The following MFSD2B variants were observed in gnomAD, a reference collection of about 807,000 sequenced individuals.
MFSD2B encodes the protein sphingosine-1-phosphate transporter MFSD2B.
MFSD2B carries 56 observed loss-of-function variants against 58.4 expected under a neutral mutation model. The ratio of observed to expected loss-of-function variants is 0.96; its 90% CI spans 0.77 to 1.20. The LOEUF is 1.20. Ranked by LOEUF, MFSD2B falls within the 50% of genes most tolerant of loss-of-function variation. The pLI, the probability that MFSD2B is intolerant of heterozygous loss-of-function variation, is 0.00. For missense variants in MFSD2B, 645 were observed against 667.6 expected (o/e 0.97, Z 0.37); for synonymous variants, 287 against 294.4 (o/e 0.97, Z 0.26).
rs1439906013 is a variant in MFSD2B at position 24,020,359 on chromosome 2, T to C, written c.682-1289T>C. 2.0e-5 allele frequency among the ~76,000 whole-genome samples: 3 copies of C among 152,094 alleles called. No individual in the cohort carries two copies. The highest frequency in any genetic ancestry group is 4.4e-5 in the Non-Finnish European group (3 of 67,998). On this transcript the variant is annotated intron_variant, in intron 6 of 13. Coordinates refer to ENST00000338315, the MANE Select transcript of MFSD2B (RefSeq NM_001346880.2). The surrounding 1 kb of genome is among the most constrained non-coding windows in gnomAD (Gnocchi z 4.1). ...ATCTCAAGACAGCAACAGCAGAGCATTGAACCCCAGAGGCAGTGCCCTCCA... is the reference window on the plus strand; with the variant it reads ...ATCTCAAGACAGCAACAGCAGAGCACTGAACCCCAGAGGCAGTGCCCTCCA...
chr2:24,010,132 C>G lies in MFSD2B; in HGVS notation c.36C>G (p.Ser12=). ...CCCCTGCACCAGCCGCCAAGGGGTC[C>G]CCGCAGCCGGAGCCGCACGCCCCAG... ...AAPPAPAAKG[S]PQPEPHAPEP... is the part of the protein sequence containing the mutation. Residue 12 remains serine, a synonymous_variant, in exon 1 of 14, where the codon TCC becomes TCG. Transcript: ENST00000338315. 2 of 1,462,848 alleles carry G rather than the reference C, an allele frequency of 1.4e-6. No homozygotes were observed. The highest frequency in any genetic ancestry group is 1.8e-6 in the Non-Finnish European group (2 of 1,114,036). 90.6% of individuals were successfully genotyped at this position (1,462,848 alleles called of 1,614,324 possible). A position where few individuals can be genotyped will look rare whatever the true frequency, so the allele number is the denominator to read the frequency against.
rs926307106 is a variant in MFSD2B, at chr2:24,023,401, CG to C, written c.1169+168del. 30 of 860,754 alleles carry C rather than the reference CG, an allele frequency of 3.5e-5. No individual in the cohort carries two copies. The highest frequency in any genetic ancestry group is 5.2e-5 in the Non-Finnish European group (29 of 555,902). The allele number at this position is 860,754 out of a possible 1,614,324, so 53.3% of individuals were successfully genotyped here. On this transcript the variant is annotated intron_variant, in intron 11 of 13. Coordinates refer to ENST00000338315, the MANE Select transcript of MFSD2B (RefSeq NM_001346880.2). The surrounding 1 kb of genome is among the most constrained non-coding windows in gnomAD (Gnocchi z 5.0). ...AGAGGACATCAGGCAGTAGGAATGG[CG>C]GGGGGCCGGCAGGGGGCTGGCGGGG...
At chr2:24,014,118 TCTC>T (rs1709057494) in intron 2 of MFSD2B, among the ~76,000 whole-genome samples, 1 of 152,092 alleles carries the variant, frequency 6.6e-6, no homozygotes, top group African/African-American at 2.4e-5. Context: ...GTTTAGCAAT[TCTC>T]CTGCCTCAGC....
chr2:24,023,694 A>T lies in MFSD2B; in HGVS notation c.1281A>T (p.Ala427=), dbSNP rs747002101. 2.7e-5 allele frequency: 44 copies of T among 1,613,742 alleles called. No individual in the cohort carries two copies. The East Asian group carries it at 9.8e-4, about 36-fold the overall frequency. Residue 427 remains alanine, a synonymous_variant, in exon 12 of 14, where the codon GCA becomes GCT. Coordinates refer to ENST00000338315, the MANE Select transcript of MFSD2B (RefSeq NM_001346880.2). The surrounding 1 kb of genome is among the most constrained non-coding windows in gnomAD (Gnocchi z 5.0). The stretch of plus-strand genomic sequence containing the variant: ...TCTTCTTCACCAAGCTGTCTGGCGC[A>T]TGTGCCCTGGGCATCTCCACCCTCA... ...SYVFFTKLSG[A]CALGISTLSL... is the part of the protein sequence containing the mutation.
chr2:24,015,889 A>G lies in MFSD2B; in HGVS notation c.223-267A>G, dbSNP rs538988263. 8.8e-4 allele frequency among the ~76,000 whole-genome samples: 134 copies of G among 152,352 alleles called. 1 individual carries two copies. The highest frequency in any genetic ancestry group is 3.1e-3 in the African/African-American group (128 of 41,580). The stretch of plus-strand genomic sequence containing the variant: ...GCCCAGAGGCACCCTCCTTGCTCTG[A>G]GCCAGCCCCAGATGAGGGCCCTGGA... On this transcript the variant is annotated intron_variant, in intron 2 of 13. Coordinates refer to ENST00000338315, the MANE Select transcript of MFSD2B (RefSeq NM_001346880.2).
In MFSD2B at chr2:24,017,481, A is replaced by T. The variant is rs148320729; in HGVS notation, c.574A>T (p.Thr192Ser). 30 of 1,600,612 alleles carry T rather than the reference A, an allele frequency of 1.9e-5. No homozygotes were observed. In the East Asian group the frequency reaches 6.3e-4, roughly 34 times the overall value. Residue 192 changes from threonine (T) to serine (S), a missense_variant, in exon 6 of 14, where the codon ACA becomes TCA. Transcript: ENST00000338315. The surrounding 1 kb of genome is among the most constrained non-coding windows in gnomAD (Gnocchi z 4.8). ...AYRMTVEMAG[T>S]LMGATVHGLI... ...AGGGATGACTGTGGAGATGGCGGGA[A>T]CACTGATGGGGGCCACTGTCCACGG...
chr2:24,014,779 C>T (rs1023432319), intron 2 of MFSD2B, among the ~76,000 whole-genome samples: 36 of 152,018 alleles, frequency 2.4e-4, no homozygotes, highest in African/African-American at 8.4e-4. Context: ...TGTTGGCTAC[C>T]GGAGGGAATG....
Position 24,013,116 on chromosome 2 carries a change from C to T in MFSD2B, c.97-169C>T, listed in dbSNP as rs956625476. On this transcript the variant is annotated intron_variant, in intron 1 of 13. Transcript: ENST00000338315. ...GGTCAGGGTTTAGGATCTTTTTTCT[C>T]TTCGTCTCACTTCCTCTTAGGATGA... 5.2e-4 allele frequency: 267 copies of T among 518,258 alleles called. 2 individuals are homozygous for T. Among genetic ancestry groups the T allele is most frequent in the Non-Finnish European group, 1.0e-4 (32 of 316,106 alleles). The allele number at this position is 518,258 out of a possible 1,614,324, so 32.1% of individuals were successfully genotyped here. A position where few individuals can be genotyped will look rare whatever the true frequency, so the allele number is the denominator to read the frequency against.
chr2:24,021,339 A>G lies in MFSD2B; in HGVS notation c.682-309A>G, dbSNP rs1662776170. Among the ~76,000 whole-genome samples, 1 of 152,166 alleles carries G rather than the reference A, an allele frequency of 6.6e-6. No individual in the cohort carries two copies. The highest frequency in any genetic ancestry group is 1.5e-5 in the Non-Finnish European group (1 of 68,006). ...CATCATTGGAGCCTCAGGGCCTGGC[A>G]TGCGGAAGGCAGCAGCAGTCAATGT... On this transcript the variant is annotated intron_variant, in intron 6 of 13. Coordinates refer to ENST00000338315, the MANE Select transcript of MFSD2B (RefSeq NM_001346880.2). This position sits in a 1 kb window ranked among gnomAD's most constrained non-coding sequence, Gnocchi z 5.7.
In MFSD2B at chr2:24,020,507, T is replaced by G. The variant is rs539209104; in HGVS notation, c.682-1141T>G. ...TGGCTGTGACTCTCGTGCATGTCTT[T>G]ATAGGCATTTTAATGCATATGTATT... On this transcript the variant is annotated intron_variant, in intron 6 of 13. Coordinates refer to ENST00000338315, the MANE Select transcript of MFSD2B (RefSeq NM_001346880.2). The surrounding 1 kb of genome is among the most constrained non-coding windows in gnomAD (Gnocchi z 4.1). Among the ~76,000 whole-genome samples, 46 of 152,244 alleles carry G rather than the reference T, an allele frequency of 3.0e-4. No individual in the cohort carries two copies. The highest frequency in any genetic ancestry group is 2.7e-3 in the Admixed American group (41 of 15,300).
Position 24,025,545 on chromosome 2 carries a change from G to C in MFSD2B, c.*89G>C, listed in dbSNP as rs1382594208. The stretch of plus-strand genomic sequence containing the variant: ...CCTCAGCCCTCCAGCACCTGGTCTG[G>C]CAGTTTAGTATGTGACCTTTCTCCC... On this transcript the variant is annotated 3_prime_UTR_variant, in exon 14 of 14. Transcript: ENST00000338315. 4.1e-6 allele frequency: 5 copies of C among 1,225,546 alleles called. No individual in the cohort carries two copies. The Admixed American group carries it at 9.9e-5, about 24-fold the overall frequency. The allele number at this position is 1,225,546 out of a possible 1,614,324, so 75.9% of individuals were successfully genotyped here.
Position 24,017,168 on chromosome 2 carries a change from C to A in MFSD2B, c.472-118C>A. 1 of 1,294,186 alleles carries A rather than the reference C, an allele frequency of 7.7e-7. No individual in the cohort carries two copies. The highest frequency in any genetic ancestry group is 1.1e-6 in the Non-Finnish European group (1 of 938,620). 80.2% of individuals were successfully genotyped at this position (1,294,186 alleles called of 1,614,324 possible). A position where few individuals can be genotyped will look rare whatever the true frequency, so the allele number is the denominator to read the frequency against. On this transcript the variant is annotated intron_variant, in intron 4 of 13. Transcript: ENST00000338315. The surrounding 1 kb of genome is among the most constrained non-coding windows in gnomAD (Gnocchi z 4.8). The stretch of plus-strand genomic sequence containing the variant: ...GACCCTAGCTCCGACTTCAGGTGGC[C>A]AGCTGGGATATGTCACGTTGGCCTG...
At chr2:24,015,105 C>G (rs1709091333) in intron 2 of MFSD2B, among the ~76,000 whole-genome samples, 1 of 151,278 alleles carries the variant, frequency 6.6e-6, no homozygotes, top group African/African-American at 2.4e-5. Flanking sequence ...GGCGACAGAG[C>G]AAGACTCCCT....
In MFSD2B at chr2:24,017,697, G is replaced by T; in HGVS notation, c.681+109G>T. 1 of 1,225,846 alleles carries T rather than the reference G, an allele frequency of 8.2e-7. No homozygotes were observed. Among genetic ancestry groups the T allele is most frequent in the Non-Finnish European group, 1.1e-6 (1 of 896,050 alleles). The allele number at this position is 1,225,846 out of a possible 1,614,324, so 75.9% of individuals were successfully genotyped here. On this transcript the variant is annotated intron_variant, in intron 6 of 13. Coordinates refer to ENST00000338315, the MANE Select transcript of MFSD2B (RefSeq NM_001346880.2). This position sits in a 1 kb window ranked among gnomAD's most constrained non-coding sequence, Gnocchi z 4.8. ...CCACACCACTTTGTTGTCTTTTAGG[G>T]GGCTCACTGTGCCCCCTCATTCCTT...
Position 24,022,499 on chromosome 2 carries a change from C to T in MFSD2B, c.961C>T (p.Leu321=), listed in dbSNP as rs755888766. The T allele has an allele frequency of 6.2e-7, 1 of 1,613,106 alleles. No homozygotes were observed. Among genetic ancestry groups the T allele is most frequent in the Non-Finnish European group, 8.5e-7 (1 of 1,179,578 alleles). ...CCAGCTACACGACCACGTCCAGGGC[C>T]TGGTACTAACTGTCCTGGTGAGGGG... is the stretch of plus-strand genomic sequence containing the variant. The part of the protein sequence containing the change: ...ASQLHDHVQG[L]VLTVLVSAVL... Residue 321 remains leucine, a synonymous_variant, in exon 9 of 14, where the codon CTG becomes TTG. Coordinates refer to ENST00000338315, the MANE Select transcript of MFSD2B (RefSeq NM_001346880.2). The surrounding 1 kb of genome is among the most constrained non-coding windows in gnomAD (Gnocchi z 4.5).
At chr2:24,013,654 A>G (rs184585175) in intron 2 of MFSD2B, among the ~76,000 whole-genome samples, 1 of 152,278 alleles carries the variant, frequency 6.6e-6, no homozygotes, top group East Asian at 1.9e-4. Flanking sequence ...AGTAAGCTGT[A>G]TCATAGCCAC....
At chr2:24,016,794 G>T in intron 3 of MFSD2B, 51 bp from the exon 4 acceptor site, 1 of 1,603,036 alleles carries the variant, frequency 6.2e-7, no homozygotes, top group Non-Finnish European at 8.5e-7. Context: ...GGCCCTTTGT[G>T]TTCCCCTGTC....
At position 24,017,883 on chromosome 2, in the gene MFSD2B, C is replaced by T. The variant is rs1437769980; in HGVS notation, c.681+295C>T. On this transcript the variant is annotated intron_variant, in intron 6 of 13. Transcript: ENST00000338315. The surrounding 1 kb of genome is among the most constrained non-coding windows in gnomAD (Gnocchi z 4.8). ...GAGGAGGGGCGAGGGTGGGGAAAGC[C>T]GCAGGACAGGCTAGGGGAGGGGGCA... 6.6e-6 allele frequency among the ~76,000 whole-genome samples: 1 copy of T among 152,112 alleles called. No individual in the cohort carries two copies. The highest frequency in any genetic ancestry group is 1.5e-5 in the Non-Finnish European group (1 of 68,014).
rs1708977738 is a variant in MFSD2B at position 24,012,166 on chromosome 2, A to T, written c.97-1119A>T. ...AAACAAACAAAACACACACACACAC[A>T]CACACACACACACAAAAACAGACAA... On this transcript the variant is annotated intron_variant, in intron 1 of 13. Transcript: ENST00000338315. The surrounding 1 kb of genome is among the most constrained non-coding windows in gnomAD (Gnocchi z 4.5). Among the ~76,000 whole-genome samples, 1 of 71,142 alleles carries T rather than the reference A, an allele frequency of 1.4e-5. No individual in the cohort carries two copies. The highest frequency in any genetic ancestry group is 3.5e-5 in the African/African-American group (1 of 28,276). 46.7% of individuals were successfully genotyped at this position (71,142 alleles called of 152,430 possible). A position where few individuals can be genotyped will look rare whatever the true frequency, so the allele number is the denominator to read the frequency against.
Sources: gnomAD v4.1 joint callset for allele counts (sites outside exome capture counted in the v4.1 genomes callset) on GRCh38, gnomAD v4.1.1 for gene constraint, Gnocchi (gnomAD v3.1) non-coding constraint, MANE v1.5 for transcripts, NCBI Gene and HGNC (gene_info 2026-07-23, HGNC 2026-07-21) for gene names.